The following SHROOM2 variants were observed in gnomAD, a reference collection of about 807,000 sequenced individuals.
The protein encoded by SHROOM2 is shroom family member 2, also known as protein Shroom2.
SHROOM2 carries 33 observed loss-of-function variants against 75.9 expected under a neutral mutation model. That is an observed-to-expected ratio of 0.43 (90% CI 0.33 to 0.58). The LOEUF is 0.58. SHROOM2 is among the 20% of genes least tolerant of loss of function. The pLI, the probability that SHROOM2 is intolerant of heterozygous loss-of-function variation, is 0.04. For synonymous variants in SHROOM2, 655 were observed against 663.6 expected (o/e 0.99, Z 0.20); for missense variants, 1,434 against 1,461.2 (o/e 0.98, Z 0.30).
At chrX:9,869,159 C>T (rs2084158517) in intron 1 of SHROOM2, among the ~76,000 whole-genome samples, 1 of 109,716 alleles carries the variant, frequency 9.1e-6, no homozygotes, top group South Asian at 3.9e-4. Context: ...CAGGGTTTCA[C>T]CATGTTGGCC....
At chrX:9,841,494 A>G (rs934743099) in intron 1 of SHROOM2, among the ~76,000 whole-genome samples, 2 of 111,510 alleles carry the variant, frequency 1.8e-5, no homozygotes, top group African/African-American at 6.5e-5. Flanking sequence ...GGCAGGAGGG[A>G]GACACTGGAA....
Position 9,939,347 on chromosome X carries a change from A to G in SHROOM2, c.4292A>G (p.His1431Arg). ...HEEDSGSDLDHDLSVKKQELI... is the reference protein window; with the variant it reads ...HEEDSGSDLDRDLSVKKQELI... ...GAGGATTCGGGAAGCGACTTGGACC[A>G]CGACCTGTCGGTGAAGAAGGTAGGA... Residue 1431 changes from histidine to arginine, a missense_variant, in exon 8 of 10, where the codon CAC becomes CGC. Physicochemically the swap from His to Arg is conservative, Grantham distance 29. Coordinates refer to ENST00000380913, the MANE Select transcript of SHROOM2 (RefSeq NM_001649.4). 2 of 1,206,515 alleles carry G rather than the reference A, an allele frequency of 1.7e-6. No homozygotes were observed.
chrX:9,828,437 T>G lies in SHROOM2; in HGVS notation c.165+41727T>G, dbSNP rs985059418. Reference sequence around the variant, plus strand: ...CTTTCTCTTATCCATTCCTCATATGTGTTCCAGGGAAGAAGTTATTGTTCT... The same window carrying G: ...CTTTCTCTTATCCATTCCTCATATGGGTTCCAGGGAAGAAGTTATTGTTCT... On this transcript the variant is annotated intron_variant, in intron 1 of 9. Transcript: ENST00000380913. Among the ~76,000 whole-genome samples the G allele has an allele frequency of 3.6e-5, 4 of 111,640 alleles. 1 individual carries two copies. The highest frequency in any genetic ancestry group is 2.8e-4 in the East Asian group (1 of 3,569).
At chrX:9,902,700 C>T (rs765826524) in intron 5 of SHROOM2, among the ~76,000 whole-genome samples, 1 of 112,113 alleles carries the variant, frequency 8.9e-6, no homozygotes, top group Non-Finnish European at 1.9e-5. Flanking sequence ...AGAGGTACCA[C>T]ATTTGTTCGT....
In SHROOM2 at chrX:9,811,557, GCTT is replaced by G. The variant is rs201219561; in HGVS notation, c.165+24852_165+24854del. ...TCTTTGTCACCAATTTTCCAATCAT[GCTT>G]CTTCCCGTGAATTCAGCCCATGAAT... On this transcript the variant is annotated intron_variant, in intron 1 of 9. Coordinates refer to ENST00000380913, the MANE Select transcript of SHROOM2 (RefSeq NM_001649.4). Among the ~76,000 whole-genome samples the G allele has an allele frequency of 8.2e-3, 915 of 112,016 alleles. 9 individuals carry two copies. Among genetic ancestry groups the G allele is most frequent in the African/African-American group, 0.029 (883 of 30,812 alleles).
Position 9,939,351 on chromosome X carries a change from C to A in SHROOM2, c.4296C>A (p.Asp1432Glu). 8.3e-7 allele frequency: 1 copy of A among 1,205,326 alleles called. No homozygotes were observed. Among genetic ancestry groups the A allele is most frequent in the Non-Finnish European group, 1.1e-6 (1 of 892,386 alleles). The change falls in exon 8 of 10, where the codon GAC (aspartate) becomes GAA (glutamate). Residue 1432 changes from aspartate to glutamate, a missense_variant. Around this residue, in one of 3 missense-constraint regions of SHROOM2, gnomAD observed 1,340 missense variants for 1,338.3 expected, o/e 1.00. Coordinates refer to ENST00000380913, the MANE Select transcript of SHROOM2 (RefSeq NM_001649.4). The stretch of plus-strand genomic sequence containing the variant: ...ATTCGGGAAGCGACTTGGACCACGA[C>A]CTGTCGGTGAAGAAGGTAGGAGAGT... ...EEDSGSDLDH[D>E]LSVKKQELIE...
intron 5 of SHROOM2, among the ~76,000 whole-genome samples, chrX:9,911,091 C>G (rs765359135): frequency 5.4e-5 from 6 of 111,201 alleles, no homozygotes; most frequent in Non-Finnish European, 9.4e-5. Context: ...TGAATGGCAC[C>G]CTCTCTTAGA....
intron 8 of SHROOM2, among the ~76,000 whole-genome samples, chrX:9,942,570 A>G (rs1354724655): frequency 8.9e-6 from 1 of 111,895 alleles, no homozygotes; most frequent in Non-Finnish European, 1.9e-5. Context: ...TCAGGGAAAC[A>G]TTTACATCTA....
At chrX:9,831,434 G>T (rs1364592517) in intron 1 of SHROOM2, among the ~76,000 whole-genome samples, 1 of 111,596 alleles carries the variant, frequency 9.0e-6, no homozygotes, top group Non-Finnish European at 1.9e-5. Flanking sequence ...TGAGGTGGGC[G>T]GATCACCTGA....
chrX:9,859,309 C>T (rs766698184), intron 1 of SHROOM2, among the ~76,000 whole-genome samples: 221 of 112,287 alleles, frequency 2.0e-3, no homozygotes, highest in African/African-American at 6.7e-3. Context: ...CGCTTATGTT[C>T]GATGATTCTT....
chrX:9,919,061 T>C (rs2084516921), intron 5 of SHROOM2, among the ~76,000 whole-genome samples: 1 of 112,095 alleles, frequency 8.9e-6, no homozygotes, highest in South Asian at 3.7e-4. Flanking sequence ...TGTTTCTTTG[T>C]TCCTTCTTTC....
intron 5 of SHROOM2, among the ~76,000 whole-genome samples, chrX:9,900,768 A>G (rs1366288950): frequency 9.0e-6 from 1 of 111,097 alleles, no homozygotes; most frequent in African/African-American, 3.3e-5. Flanking sequence ...GAGCTAAAAT[A>G]GAACTGAACC....
intron 1 of SHROOM2, among the ~76,000 whole-genome samples, chrX:9,833,648 A>G (rs866009344): frequency 3.4e-4 from 26 of 77,052 alleles, no homozygotes; most frequent in Admixed American, 1.9e-3. Context: ...GTGTGTGTGC[A>G]TGCACGTGCA....
chrX:9,867,644 G>C (rs1462477140), intron 1 of SHROOM2, among the ~76,000 whole-genome samples: 1 of 111,322 alleles, frequency 9.0e-6, no homozygotes, highest in Non-Finnish European at 1.9e-5. Flanking sequence ...TACTGAACTT[G>C]AGAAGTTCAG....
At chrX:9,859,004 G>A (rs1328591024) in intron 1 of SHROOM2, among the ~76,000 whole-genome samples, 9 of 110,436 alleles carry the variant, frequency 8.1e-5, no homozygotes, top group African/African-American at 2.0e-4. Context: ...ACCTGAGGTC[G>A]GGAGTTCAAG....
chrX:9,940,690 C>T (rs2084761108), intron 8 of SHROOM2, among the ~76,000 whole-genome samples: 1 of 112,598 alleles, frequency 8.9e-6, no homozygotes, highest in African/African-American at 3.2e-5. Flanking sequence ...CTTATGATGT[C>T]GCACATTCCT....
In SHROOM2 at chrX:9,932,668, G is replaced by A. The variant is rs1228928393; in HGVS notation, c.3385G>A (p.Ala1129Thr). Residue 1129 changes from alanine (A) to threonine (T), a missense_variant, in exon 6 of 10, where the codon GCC becomes ACC. Around this residue, in one of 3 missense-constraint regions of SHROOM2, gnomAD observed 1,340 missense variants for 1,338.3 expected, o/e 1.00. Transcript: ENST00000380913. ...SSAQPQDTPK[A>T]TVCERGSQHV... ...TGCCCAGCCCCAGGACACCCCGAAG[G>A]CCACTGTCTGTGAGCGTGGAAGCCA... 6.8e-5 allele frequency: 82 copies of A among 1,209,897 alleles called. No homozygotes were observed. Among genetic ancestry groups the A allele is most frequent in the Non-Finnish European group, 9.1e-5 (81 of 894,967 alleles).
In SHROOM2 at chrX:9,839,919, A is replaced by G. The variant is rs752373692; in HGVS notation, c.166-33733A>G. 2.7e-5 allele frequency among the ~76,000 whole-genome samples: 3 copies of G among 111,913 alleles called. No homozygotes were observed. In the South Asian group the frequency reaches 1.1e-3, roughly 42 times the overall value. ...TCTGTTTCCGGTGCCATCGAGCTCT[A>G]ACTTCAACCTTGACTCTGCTTTCCG... On this transcript the variant is annotated intron_variant, in intron 1 of 9. Transcript: ENST00000380913.
intron 1 of SHROOM2, among the ~76,000 whole-genome samples, chrX:9,811,024 C>G (rs1036387911): frequency 8.9e-6 from 1 of 111,996 alleles, no homozygotes; most frequent in Non-Finnish European, 1.9e-5. Flanking sequence ...CGTGAGTCCA[C>G]AGATGGTAGT....
Sources: allele counts gnomAD v4.1 joint callset (sites outside exome capture counted in the v4.1 genomes callset), GRCh38; gene constraint gnomAD v4.1.1; regional missense constraint gnomAD v4.1.1; transcripts MANE v1.5; gene names NCBI Gene and HGNC (gene_info 2026-07-23, HGNC 2026-07-21).